UNC5C: variants seen among roughly 807,000 people sequenced by gnomAD.
The protein encoded by UNC5C is unc-5 netrin receptor C, also known as netrin receptor UNC5C.
Under a neutral mutation model 99.8 loss-of-function variants are expected in UNC5C, and 47 were observed. The observed-to-expected ratio is 0.47, with a 90% CI of 0.37 to 0.60. The LOEUF is 0.60. Ranked by LOEUF, UNC5C falls within the 20% of genes least tolerant of loss-of-function variation. UNC5C has a pLI of 0.00. For synonymous variants in UNC5C, 487 were observed against 452.2 expected (o/e 1.08, Z -0.98); for missense variants, 1,062 against 1,165.9 (o/e 0.91, Z 1.30).
intron 1 of UNC5C, among the ~76,000 whole-genome samples, chr4:95,399,467 T>G (rs931005954): frequency 3.9e-5 from 6 of 152,240 alleles, no homozygotes; most frequent in Non-Finnish European, 8.8e-5. Flanking sequence ...CATAAAACTC[T>G]TCAATGGATT....
intron 1 of UNC5C, among the ~76,000 whole-genome samples, chr4:95,393,850 G>GATTTT (rs772483969): frequency 7.5e-6 from 1 of 133,744 alleles, no homozygotes; most frequent in Non-Finnish European, 1.6e-5. Context: ...ACAATCTACT[G>GATTTT]TTTTTTTTTT....
At chr4:95,339,540 T>C (rs1248084816) in intron 1 of UNC5C, among the ~76,000 whole-genome samples, 1 of 152,072 alleles carries the variant, frequency 6.6e-6, no homozygotes, top group Non-Finnish European at 1.5e-5. Context: ...TTGATTTTTT[T>C]TTCTTCAAGG....
chr4:95,414,765 T>A (rs1437767790), intron 1 of UNC5C, among the ~76,000 whole-genome samples: 1 of 152,200 alleles, frequency 6.6e-6, no homozygotes, highest in African/African-American at 2.4e-5. Flanking sequence ...CAGAAACCCA[T>A]AACCTACTAT....
chr4:95,531,013 C>A (rs563075391), intron 1 of UNC5C, among the ~76,000 whole-genome samples: 1 of 152,100 alleles, frequency 6.6e-6, no homozygotes, highest in Non-Finnish European at 1.5e-5. Context: ...TTTTAATAAC[C>A]GGAAAGTCTA....
chr4:95,202,754 C>T lies in UNC5C; in HGVS notation c.2113G>A (p.Asp705Asn). The change falls in exon 12 of 16, where the codon GAT becomes AAT. Residue 705 changes from aspartate (D) to asparagine (N), a missense_variant. Asp to Asn is a conservative substitution (Grantham distance 23, BLOSUM62 1). Coordinates refer to ENST00000453304, the MANE Select transcript of UNC5C (RefSeq NM_003728.4). ...ACCTTCAGGGCATCCTGGGTGTCAT[C>T]CAGACAGTAGACTCGGATGCTGTAC... ...LEYSIRVYCL[D>N]DTQDALKEIL... is the part of the protein sequence containing the mutation. 1.9e-6 allele frequency: 3 copies of T among 1,614,174 alleles called. No individual in the cohort carries two copies. The highest frequency in any genetic ancestry group is 2.5e-6 in the Non-Finnish European group (3 of 1,180,020).
chr4:95,171,126 T>C (rs748329771), intron 14 of UNC5C, among the ~76,000 whole-genome samples: 2 of 152,166 alleles, frequency 1.3e-5, no homozygotes, highest in Non-Finnish European at 2.9e-5. Context: ...CTTGTGCTGG[T>C]TGGAAAAGCA....
Position 95,229,299 on chromosome 4 carries a change from C to T in UNC5C, c.1109-9123G>A, listed in dbSNP as rs116636462. On this transcript the variant is annotated intron_variant, in intron 7 of 15. Transcript: ENST00000453304. ...CCTAGCCCCCCACCCCGACAGGCCC[C>T]GATGTTCCATGTTCCCCTCCCTGTG... Among the ~76,000 whole-genome samples the T allele has an allele frequency of 6.0e-3, 905 of 151,970 alleles. 12 individuals carry two copies. The highest frequency in any genetic ancestry group is 0.021 in the African/African-American group (859 of 41,402).
intron 1 of UNC5C, among the ~76,000 whole-genome samples, chr4:95,430,069 T>C (rs925975305): frequency 6.6e-6 from 1 of 152,078 alleles, no homozygotes; most frequent in African/African-American, 2.4e-5. Context: ...CTTTGTATGA[T>C]ACTATAATGA....
intron 1 of UNC5C, among the ~76,000 whole-genome samples, chr4:95,456,492 A>G (rs1747431212): frequency 2.6e-5 from 4 of 152,144 alleles, no homozygotes; most frequent in Admixed American, 2.6e-4. Flanking sequence ...GGAGTGCAAG[A>G]GATTAATTTG....
intron 1 of UNC5C, among the ~76,000 whole-genome samples, chr4:95,502,994 A>G (rs751727535): frequency 1.2e-4 from 18 of 152,270 alleles, no homozygotes; most frequent in Admixed American, 2.6e-4. Context: ...ATATTCACTA[A>G]GTGTATTCCA....
chr4:95,374,983 C>T (rs2621455), intron 1 of UNC5C, among the ~76,000 whole-genome samples: 71,498 of 151,902 alleles, frequency 0.47, 17,615 homozygotes, highest in East Asian at 0.78. Context: ...AAGCATGAAA[C>T]AGTTGAATTG....
intron 7 of UNC5C, among the ~76,000 whole-genome samples, chr4:95,221,017 T>G (rs1455250595): frequency 1.3e-5 from 2 of 152,168 alleles, no homozygotes; most frequent in Admixed American, 1.3e-4. Flanking sequence ...ACCAACACAG[T>G]GTGTCAGTCA....
intron 1 of UNC5C, among the ~76,000 whole-genome samples, chr4:95,448,806 AT>A (rs1747197490): frequency 6.6e-6 from 1 of 152,210 alleles, no homozygotes; most frequent in Non-Finnish European, 1.5e-5. Context: ...CGAGATAAAC[AT>A]TTTATATCAC....
chr4:95,459,586 A>G (rs1578175292), intron 1 of UNC5C, among the ~76,000 whole-genome samples: 1 of 152,224 alleles, frequency 6.6e-6, no homozygotes, highest in Non-Finnish European at 1.5e-5. Flanking sequence ...TTACAAGCCA[A>G]TTCAATGCAG....
chr4:95,267,310 G>T (rs138341910), intron 4 of UNC5C, among the ~76,000 whole-genome samples: 2 of 152,288 alleles, frequency 1.3e-5, no homozygotes, highest in Non-Finnish European at 2.9e-5. Context: ...ACTAGGAGTA[G>T]TAATCATAGC....
chr4:95,500,626 G>A (rs1721753455), intron 1 of UNC5C, among the ~76,000 whole-genome samples: 1 of 152,094 alleles, frequency 6.6e-6, no homozygotes, highest in African/African-American at 2.4e-5. Flanking sequence ...TTTGATTAAG[G>A]AGAGCTATTA....
intron 4 of UNC5C, among the ~76,000 whole-genome samples, chr4:95,253,162 T>C (rs2149382975): frequency 6.6e-6 from 1 of 152,146 alleles, no homozygotes; most frequent in East Asian, 1.9e-4. Context: ...GGAAGCACTT[T>C]CTTAAAAAAC....
intron 2 of UNC5C, among the ~76,000 whole-genome samples, chr4:95,310,149 G>C (rs1358781127): frequency 2.6e-5 from 4 of 152,000 alleles, no homozygotes; most frequent in Non-Finnish European, 4.4e-5. Flanking sequence ...ACTTGGATGA[G>C]CCTGGAGAAC....
intron 1 of UNC5C, among the ~76,000 whole-genome samples, chr4:95,402,863 T>C (rs1745738516): frequency 6.6e-6 from 1 of 152,190 alleles, no homozygotes; most frequent in South Asian, 2.1e-4. Flanking sequence ...CTCCCTTTAT[T>C]CTAAATTAAG....
Sources: allele counts gnomAD v4.1 joint callset (sites outside exome capture counted in the v4.1 genomes callset), GRCh38; gene constraint gnomAD v4.1.1; transcripts MANE v1.5; gene names NCBI Gene and HGNC (gene_info 2026-07-23, HGNC 2026-07-21).